Variants in RABEPK observed in about 807,000 individuals in gnomAD.
The protein encoded by RABEPK is 40 kDa Rab9 effector protein.
A neutral mutation model predicts 34.1 loss-of-function variants in RABEPK; 27 were observed. That is an observed-to-expected ratio of 0.79 (90% CI 0.58 to 1.09). The LOEUF (loss-of-function observed/expected upper bound fraction) is 1.09. Ranked by LOEUF, RABEPK falls within the 50% of genes least tolerant of loss-of-function variation. RABEPK has a pLI of 0.00. For synonymous variants in RABEPK, 172 were observed against 169.2 expected (o/e 1.02, Z -0.13); for missense variants, 449 against 462.6 (o/e 0.97, Z 0.27).
intron 1 of RABEPK, among the ~76,000 whole-genome samples, chr9:125,202,352 C>T (rs1484051105): frequency 6.6e-6 from 1 of 151,008 alleles, no homozygotes; most frequent in Non-Finnish European, 1.5e-5. Context: ...AAAACCCCGT[C>T]TCTACTAGAA....
At chr9:125,233,622 G>T in intron 7 of RABEPK, 66 bp from the exon 8 acceptor site, 1 of 1,524,876 alleles carries the variant, frequency 6.6e-7, no homozygotes, top group Admixed American at 1.8e-5. Context: ...GATTACAGGC[G>T]TGAGCCACCG....
At position 125,200,686 on chromosome 9, in the gene RABEPK, G is replaced by T; in HGVS notation, c.-227G>T. On this transcript the variant is annotated 5_prime_UTR_variant, in exon 1 of 8. Coordinates refer to ENST00000373538, the MANE Select transcript of RABEPK (RefSeq NM_005833.4). ...TTTTAGGGGAGTGGGCCCAAGCCGG[G>T]TGCAAAGAACGGGGAAGGGCCTTCC... 2.1e-6 allele frequency: 1 copy of T among 471,242 alleles called. No homozygotes were observed. Among genetic ancestry groups the T allele is most frequent in the Non-Finnish European group, 4.4e-6 (1 of 227,070 alleles). The allele number at this position is 471,242 out of a possible 1,614,324, so 29.2% of individuals were successfully genotyped here. A position where few individuals can be genotyped will look rare whatever the true frequency, so the allele number is the denominator to read the frequency against.
chr9:125,218,692 T>G (rs1034778163), intron 4 of RABEPK, among the ~76,000 whole-genome samples: 7 of 152,148 alleles, frequency 4.6e-5, no homozygotes, highest in Non-Finnish European at 5.9e-5. Context: ...ACTCAGCCAT[T>G]TCTTAGGCAT....
intron 6 of RABEPK, 33 bp from the exon 7 acceptor site, chr9:125,232,563 T>C (rs1832273472): frequency 1.3e-6 from 2 of 1,595,992 alleles, no homozygotes; most frequent in Admixed American, 1.7e-5. Context: ...TCTTAGCCCA[T>C]GCTGCGCCAA....
intron 5 of RABEPK, among the ~76,000 whole-genome samples, chr9:125,226,666 C>T (rs1334563968): frequency 6.7e-6 from 1 of 148,892 alleles, no homozygotes; most frequent in Non-Finnish European, 1.5e-5. Context: ...GAGATCAAGA[C>T]CAGTCTGGCC....
chr9:125,204,274 CAAA>C lies in RABEPK; in HGVS notation c.53+1215_53+1217del, dbSNP rs1041170130. Among the ~76,000 whole-genome samples, 4 of 149,368 alleles carry C rather than the reference CAAA, an allele frequency of 2.7e-5. No individual in the cohort carries two copies. The East Asian group carries it at 7.9e-4, about 29-fold the overall frequency. ...TGGGCGACAGAGCGAGACTCCATCTCAAAAAAAAAGAAAAATCAGACTCCTGAC... is the reference window on the plus strand; with the variant it reads ...TGGGCGACAGAGCGAGACTCCATCTCAAAAAAGAAAAATCAGACTCCTGAC... On this transcript the variant is annotated intron_variant, in intron 2 of 7. Coordinates refer to ENST00000373538, the MANE Select transcript of RABEPK (RefSeq NM_005833.4).
chr9:125,207,770 C>A, intron 3 of RABEPK, 49 bp downstream of exon 3: 1 of 1,595,734 alleles, frequency 6.3e-7, no homozygotes, highest in Non-Finnish European at 8.6e-7. Flanking sequence ...GAGAACAGGG[C>A]TGTGTGCTGC....
At chr9:125,209,016 C>G (rs1343383567) in intron 3 of RABEPK, among the ~76,000 whole-genome samples, 1 of 151,370 alleles carries the variant, frequency 6.6e-6, no homozygotes, top group African/African-American at 2.4e-5. Context: ...AAATACAAAT[C>G]TAACCATGTC....
At chr9:125,216,514 A>G (rs2131394214) in intron 4 of RABEPK, among the ~76,000 whole-genome samples, 1 of 152,114 alleles carries the variant, frequency 6.6e-6, no homozygotes, top group Non-Finnish European at 1.5e-5. Context: ...CAGCACATTT[A>G]GACAGTATGT....
rs1456720357 is a variant in RABEPK, at chr9:125,203,000, A to G, written c.-6-8A>G. On this transcript the variant is annotated splice_region_variant and splice_polypyrimidine_tract_variant and intron_variant, in intron 1 of 7. Coordinates refer to ENST00000373538, the MANE Select transcript of RABEPK (RefSeq NM_005833.4). The stretch of plus-strand genomic sequence containing the variant: ...TGTCTAAAAAGTGCCTTTCTTTCTT[A>G]TGCATAGGACACCATGAAGCAACTG... The G allele has an allele frequency of 1.2e-6, 2 of 1,613,206 alleles. No homozygotes were observed. The highest frequency in any genetic ancestry group is 1.1e-5 in the South Asian group (1 of 91,062).
intron 4 of RABEPK, among the ~76,000 whole-genome samples, chr9:125,218,147 TAAA>T (rs5900646): frequency 2.1e-5 from 3 of 142,260 alleles, no homozygotes; most frequent in Non-Finnish European, 3.0e-5. Flanking sequence ...CCGTCTCTAC[TAAA>T]AAAAAAAAAA....
chr9:125,205,578 C>T (rs984293763), intron 2 of RABEPK, among the ~76,000 whole-genome samples: 4 of 152,098 alleles, frequency 2.6e-5, no homozygotes, highest in African/African-American at 4.8e-5. Context: ...CTGCAACTTC[C>T]GCCTCCCGGG....
chr9:125,231,985 C>T (rs1423805979), intron 6 of RABEPK, among the ~76,000 whole-genome samples: 3 of 150,116 alleles, frequency 2.0e-5, no homozygotes, highest in African/African-American at 4.9e-5. Context: ...GCGCAACCTC[C>T]GCCTCCCAGG....
rs1410544627 is a variant in RABEPK at position 125,233,782 on chromosome 9, T to G, written c.921T>G (p.Cys307Trp). 1.2e-6 allele frequency: 2 copies of G among 1,614,126 alleles called. No individual in the cohort carries two copies. The highest frequency in any genetic ancestry group is 2.2e-5 in the East Asian group (1 of 44,888). Reference protein sequence around the residue: ...SMCIIPWPVTCASEKEDSNSL... With the variant: ...SMCIIPWPVTWASEKEDSNSL... ...GTATCATTCCATGGCCAGTGACGTG[T>G]GCTTCTGAGAAAGAAGATTCCAACT... The change falls in exon 8 of 8, where the codon TGT becomes TGG. Residue 307 changes from cysteine (C) to tryptophan (W), a missense_variant. By Grantham distance (215) the Cys-to-Trp change is radical. Coordinates refer to ENST00000373538, the MANE Select transcript of RABEPK (RefSeq NM_005833.4).
In RABEPK at chr9:125,234,136, T is replaced by A; in HGVS notation, c.*156T>A. On this transcript the variant is annotated 3_prime_UTR_variant, in exon 8 of 8. Transcript: ENST00000373538. Reference sequence around the variant, plus strand: ...TAATGCAAATAATTCTTATGTGCACTAAACCTTGCTATATTGCCTCTCAGA... The same window carrying A: ...TAATGCAAATAATTCTTATGTGCACAAAACCTTGCTATATTGCCTCTCAGA... The A allele has an allele frequency of 1.3e-6, 1 of 758,644 alleles. No individual in the cohort carries two copies. Among genetic ancestry groups the A allele is most frequent in the Non-Finnish European group, 2.1e-6 (1 of 471,314 alleles). 47.0% of individuals were successfully genotyped at this position (758,644 alleles called of 1,614,324 possible).
At chr9:125,216,958 C>T (rs1385037286) in intron 4 of RABEPK, among the ~76,000 whole-genome samples, 1 of 145,966 alleles carries the variant, frequency 6.9e-6, no homozygotes, top group Non-Finnish European at 1.5e-5. Context: ...CAGAGTGAGA[C>T]ACCGTCTCAA....
Position 125,213,378 on chromosome 9 carries a change from C to T in RABEPK, c.220C>T (p.Gln74Ter). 6.2e-7 allele frequency: 1 copy of T among 1,610,048 alleles called. No individual in the cohort carries two copies. Among genetic ancestry groups the T allele is most frequent in the Non-Finnish European group, 8.5e-7 (1 of 1,178,870 alleles). Residue 74 changes from glutamine (Q) to a stop codon, truncating the protein, a stop_gained, in exon 4 of 8, where the codon CAG becomes TAG. Coordinates refer to ENST00000373538, the MANE Select transcript of RABEPK (RefSeq NM_005833.4). LOFTEE classifies it high-confidence loss of function. ...DVHTMDLGKH[Q>*]WDLDTCKGLL... is the part of the protein sequence containing the mutation. ...GGTGAAATGTTTTCCAGGAAAACAC[C>T]AGTGGGACTTAGATACCTGCAAGGG... is the stretch of plus-strand genomic sequence containing the variant.
chr9:125,232,002 C>T (rs1175102263), intron 6 of RABEPK, among the ~76,000 whole-genome samples: 3 of 146,660 alleles, frequency 2.0e-5, no homozygotes, highest in Admixed American at 7.0e-5. Flanking sequence ...CAGGTTCAAG[C>T]GATTCTCATG....
intron 6 of RABEPK, 80 bp from the exon 7 acceptor site, chr9:125,232,516 G>T (rs1234394651): frequency 4.2e-6 from 6 of 1,433,722 alleles, no homozygotes. Context: ...AGTGATTGGT[G>T]TGCAAACTAC....
Sources: gnomAD v4.1 joint callset for allele counts (sites outside exome capture counted in the v4.1 genomes callset) on GRCh38, gnomAD v4.1.1 for gene constraint, MANE v1.5 for transcripts, NCBI Gene and HGNC (gene_info 2026-07-23, HGNC 2026-07-21) for gene names.